Variants in GABRB2 observed in about 807,000 individuals in gnomAD.
GABRB2 encodes gamma-aminobutyric acid receptor subunit beta-2.
In GABRB2, 16 loss-of-function variants were observed where a neutral mutation model predicts 54.7. The ratio of observed to expected loss-of-function variants is 0.29; its 90% CI spans 0.20 to 0.44. GABRB2 has a LOEUF of 0.44. GABRB2 is among the 20% of genes least tolerant of loss of function. The probability of loss-of-function intolerance (pLI) is 1.00; values close to 1 mark genes in which losing one functional copy is unlikely to be tolerated. For missense variants in GABRB2, 355 were observed against 644.0 expected, an observed-to-expected ratio of 0.55 and a Z score of 4.86; for synonymous variants, 244 against 233.8, an observed-to-expected ratio of 1.04 and a Z score of -0.40.
chr5:161,485,941 C>G (rs1758910679), intron 3 of GABRB2, among the ~76,000 whole-genome samples: 1 of 151,886 alleles, frequency 6.6e-6, no homozygotes, highest in Non-Finnish European at 1.5e-5. Flanking sequence ...AAGGAAAGTA[C>G]AGCCAAAAGA....
chr5:161,493,097 A>G (rs938311795), intron 3 of GABRB2, among the ~76,000 whole-genome samples: 7 of 151,772 alleles, frequency 4.6e-5, no homozygotes, highest in African/African-American at 1.4e-4. Context: ...TGAATTTTTA[A>G]TTTTGATACA....
chr5:161,523,786 T>TTA (rs1025160265), intron 3 of GABRB2, among the ~76,000 whole-genome samples: 47 of 150,984 alleles, frequency 3.1e-4, no homozygotes, highest in Non-Finnish European at 5.5e-4. Context: ...ACACAGGATC[T>TTA]TATATATATA....
chr5:161,466,531 A>T (rs1758281131), intron 3 of GABRB2, among the ~76,000 whole-genome samples: 1 of 152,096 alleles, frequency 6.6e-6, no homozygotes, highest in African/African-American at 2.4e-5. Flanking sequence ...AAAAAAGGAA[A>T]CACCAACATC....
chr5:161,490,550 C>T (rs1759068877), intron 3 of GABRB2, among the ~76,000 whole-genome samples: 1 of 151,626 alleles, frequency 6.6e-6, no homozygotes, highest in African/African-American at 2.4e-5. Flanking sequence ...GTGTACTGCC[C>T]AGCACAGCAG....
chr5:161,489,089 C>T (rs1759020384), intron 3 of GABRB2, among the ~76,000 whole-genome samples: 1 of 151,648 alleles, frequency 6.6e-6, no homozygotes, highest in Admixed American at 6.6e-5. Context: ...GAAACCGCTG[C>T]CATTCTTCAA....
intron 9 of GABRB2, among the ~76,000 whole-genome samples, chr5:161,298,396 ATACTT>A (rs1341975135): frequency 6.6e-6 from 1 of 152,150 alleles, no homozygotes; most frequent in East Asian, 1.9e-4. Context: ...CCACCATACT[ATACTT>A]CTTGATGAAG....
At chr5:161,378,411 A>G (rs771186236) in intron 5 of GABRB2, among the ~76,000 whole-genome samples, 1 of 152,170 alleles carries the variant, frequency 6.6e-6, no homozygotes, top group Non-Finnish European at 1.5e-5. Context: ...TTCCTACAAT[A>G]CCTGTAAATA....
intron 3 of GABRB2, among the ~76,000 whole-genome samples, chr5:161,475,490 A>C (rs1758565931): frequency 6.6e-6 from 1 of 151,968 alleles, no homozygotes; most frequent in Admixed American, 6.6e-5. Flanking sequence ...CATTACACTA[A>C]TCCCAAAGTC....
intron 3 of GABRB2, among the ~76,000 whole-genome samples, chr5:161,495,791 G>T (rs563845892): frequency 3.3e-5 from 5 of 152,070 alleles, no homozygotes; most frequent in Non-Finnish European, 5.9e-5. Context: ...TCATGAGGTG[G>T]CAGCACACAA....
intron 4 of GABRB2, among the ~76,000 whole-genome samples, chr5:161,439,113 C>T (rs1381462875): frequency 3.3e-5 from 5 of 152,116 alleles, no homozygotes; most frequent in Non-Finnish European, 5.9e-5. Context: ...TAATCAAATT[C>T]TCAAAGGTCA....
chr5:161,379,713 C>A (rs928951613), intron 5 of GABRB2, among the ~76,000 whole-genome samples: 1 of 152,092 alleles, frequency 6.6e-6, no homozygotes, highest in Non-Finnish European at 1.5e-5. Flanking sequence ...CCAATTACCC[C>A]CTTTCTGAGT....
At chr5:161,320,620 C>T (rs2113379697) in intron 9 of GABRB2, among the ~76,000 whole-genome samples, 1 of 151,886 alleles carries the variant, frequency 6.6e-6, no homozygotes, top group Admixed American at 6.6e-5. Flanking sequence ...GATCAATTCT[C>T]AGCTTTCTTC....
At chr5:161,453,621 G>C (rs1024503695) in intron 4 of GABRB2, among the ~76,000 whole-genome samples, 1 of 152,156 alleles carries the variant, frequency 6.6e-6, no homozygotes, top group African/African-American at 2.4e-5. Context: ...TGTTTACAAA[G>C]CCTCCCAGTT....
chr5:161,328,977 C>A (rs559376075), intron 8 of GABRB2, among the ~76,000 whole-genome samples: 2 of 152,246 alleles, frequency 1.3e-5, no homozygotes, highest in Admixed American at 1.3e-4. Flanking sequence ...CTACCTTCAA[C>A]CAAGAGGATA....
chr5:161,534,203 G>C (rs1760557193), intron 3 of GABRB2, among the ~76,000 whole-genome samples: 1 of 152,070 alleles, frequency 6.6e-6, no homozygotes, highest in South Asian at 2.1e-4. Context: ...AGACATTTTT[G>C]GTTTTCACCA....
chr5:161,513,581 G>A (rs1221730757), intron 3 of GABRB2, among the ~76,000 whole-genome samples: 2 of 151,904 alleles, frequency 1.3e-5, no homozygotes, highest in Non-Finnish European at 2.9e-5. Flanking sequence ...CTAAACACTG[G>A]ATACTCATGG....
intron 4 of GABRB2, among the ~76,000 whole-genome samples, chr5:161,419,120 C>T (rs1171485701): frequency 6.6e-6 from 1 of 152,056 alleles, no homozygotes; most frequent in African/African-American, 2.4e-5. Flanking sequence ...GAGCGAGACC[C>T]TGTGTCAAAA....
intron 5 of GABRB2, among the ~76,000 whole-genome samples, chr5:161,356,962 G>A (rs781065984): frequency 6.6e-6 from 1 of 152,146 alleles, no homozygotes; most frequent in Non-Finnish European, 1.5e-5. Flanking sequence ...GGCACTTATG[G>A]CACATTGGTC....
At chr5:161,325,948 T>G (rs1758348623) in intron 9 of GABRB2, among the ~76,000 whole-genome samples, 1 of 152,092 alleles carries the variant, frequency 6.6e-6, no homozygotes, top group African/African-American at 2.4e-5. Flanking sequence ...AAGTTAGTAA[T>G]GTAGACAAAT....
Sources: gnomAD v4.1 joint callset for allele counts (sites outside exome capture counted in the v4.1 genomes callset) on GRCh38, gnomAD v4.1.1 for gene constraint, MANE v1.5 for transcripts, NCBI Gene and HGNC (gene_info 2026-07-23, HGNC 2026-07-21) for gene names.